The following CLVS1 variants were observed in gnomAD, a reference collection of about 807,000 sequenced individuals.
CLVS1 encodes clavesin 1, also known as clavesin-1.
CLVS1 carries 10 observed loss-of-function variants against 33.1 expected under a neutral mutation model. That is an observed-to-expected ratio of 0.30 (90% confidence interval 0.19 to 0.51). CLVS1 has a LOEUF of 0.51. Ranked by LOEUF, CLVS1 falls within the 20% of genes least tolerant of loss-of-function variation. The pLI, the probability that CLVS1 is intolerant of heterozygous loss-of-function variation, is 0.97. For synonymous variants in CLVS1, 163 were observed against 166.1 expected, an observed-to-expected ratio of 0.98 and a Z score of 0.14; for missense variants, 343 against 433.4, an observed-to-expected ratio of 0.79 and a Z score of 1.85.
Position 61,501,138 on chromosome 8 carries a change from A to ATAAC in CLVS1, c.*1597_*1600dup. On this transcript the variant is annotated 3_prime_UTR_variant, in exon 6 of 6. Transcript: ENST00000325897. ...GTAGACATACGAAATCACAAAAATA[A>ATAAC]TAACACTGAAATAATTCTACCAATG... 1 of 152,276 alleles carries ATAAC rather than the reference A, an allele frequency of 6.6e-6. No homozygotes were observed. Among genetic ancestry groups the ATAAC allele is most frequent in the South Asian group, 2.1e-4 (1 of 4,830 alleles). 9.4% of individuals were successfully genotyped at this position (152,276 alleles called of 1,614,324 possible).
chr8:61,406,622 G>T (rs561946752), intron 3 of CLVS1, among the ~76,000 whole-genome samples: 1,701 of 151,858 alleles, frequency 0.011, 38 homozygotes, highest in African/African-American at 0.038. Flanking sequence ...TTTTTGTGGG[G>T]GGGGGGATGG....
At chr8:61,153,588 C>T (rs1464283485) in intron 2 of CLVS1, among the ~76,000 whole-genome samples, 4 of 152,056 alleles carry the variant, frequency 2.6e-5, no homozygotes, top group East Asian at 1.9e-4. Flanking sequence ...TAAAGGGAAG[C>T]GGGAGAGCAG....
In CLVS1 at chr8:61,398,374, G is replaced by T. The variant is rs115008822; in HGVS notation, c.630+21595G>T. 9.9e-3 allele frequency among the ~76,000 whole-genome samples: 1,504 copies of T among 151,780 alleles called. 27 individuals are homozygous for T. Among genetic ancestry groups the T allele is most frequent in the African/African-American group, 0.034 (1,422 of 41,386 alleles). On this transcript the variant is annotated intron_variant, in intron 3 of 5. Transcript: ENST00000325897. ...TTTTTGTGTTTTTGGTAGAGACCGG[G>T]TTTCACCACATTGCTCAGGCTGGTC...
At chr8:61,270,352 A>C (rs1809409336) in intron 2 of CLVS1, among the ~76,000 whole-genome samples, 1 of 152,206 alleles carries the variant, frequency 6.6e-6, no homozygotes, top group Non-Finnish European at 1.5e-5. Context: ...CCTTGCATCC[A>C]AGGGATGAAG....
chr8:61,133,032 A>G (rs906892991), intron 2 of CLVS1, among the ~76,000 whole-genome samples: 1 of 152,138 alleles, frequency 6.6e-6, no homozygotes, highest in Non-Finnish European at 1.5e-5. Flanking sequence ...GAGCAATACT[A>G]TCTTCCAGCA....
chr8:61,089,006 G>A (rs1202904894), intron 1 of CLVS1, among the ~76,000 whole-genome samples: 1 of 152,002 alleles, frequency 6.6e-6, no homozygotes, highest in East Asian at 1.9e-4. Context: ...GTTTCACCAT[G>A]TTAGCCAGGA....
chr8:61,006,979 G>A, the CLVS1 span, among the ~76,000 whole-genome samples: 1 of 152,330 alleles, frequency 6.6e-6, no homozygotes, highest in African/African-American at 2.4e-5. Context: ...GCATTCTTCT[G>A]TTTCATGCTG....
intron 2 of CLVS1, among the ~76,000 whole-genome samples, chr8:61,341,227 G>GT (rs1453347814): frequency 6.6e-6 from 1 of 152,126 alleles, no homozygotes; most frequent in Non-Finnish European, 1.5e-5. Context: ...TCACATGTTG[G>GT]TAAGTCCGTC....
chr8:61,119,036 C>T (rs1805801997), intron 1 of CLVS1, among the ~76,000 whole-genome samples: 1 of 152,124 alleles, frequency 6.6e-6, no homozygotes, highest in Admixed American at 6.5e-5. Flanking sequence ...TCAGGACTTG[C>T]TTTATGAATT....
chr8:61,026,811 A>T, the CLVS1 span, among the ~76,000 whole-genome samples: 1 of 152,286 alleles, frequency 6.6e-6, no homozygotes, highest in East Asian at 1.9e-4. Context: ...CATGATTTGG[A>T]ACAGAGTTAA....
intron 1 of CLVS1, among the ~76,000 whole-genome samples, chr8:61,121,340 G>A (rs1480119268): frequency 2.6e-5 from 4 of 152,136 alleles, no homozygotes; most frequent in Non-Finnish European, 5.9e-5. Flanking sequence ...CTTCTGCGTC[G>A]CTCACGCTGG....
the CLVS1 span, among the ~76,000 whole-genome samples, chr8:60,976,894 T>G: frequency 6.6e-6 from 1 of 152,226 alleles, no homozygotes; most frequent in Admixed American, 6.5e-5. Flanking sequence ...ATCACTGCTT[T>G]TGATTGTGGA....
At chr8:61,044,517 C>T in the CLVS1 span, among the ~76,000 whole-genome samples, 1 of 152,138 alleles carries the variant, frequency 6.6e-6, no homozygotes, top group African/African-American at 2.4e-5. Flanking sequence ...GTGGCCCAGA[C>T]CTCCACATGA....
chr8:61,038,958 T>G, the CLVS1 span, among the ~76,000 whole-genome samples: 5 of 152,234 alleles, frequency 3.3e-5, no homozygotes, highest in Non-Finnish European at 5.9e-5. Context: ...ACCCACATTT[T>G]TTTTTATTAA....
At chr8:61,172,307 T>TC (rs1807018593) in intron 2 of CLVS1, among the ~76,000 whole-genome samples, 1 of 146,030 alleles carries the variant, frequency 6.8e-6, no homozygotes, top group Non-Finnish European at 1.5e-5. Context: ...AGACTTTATT[T>TC]GGGGGAAAGG....
intron 2 of CLVS1, among the ~76,000 whole-genome samples, chr8:61,367,403 T>A (rs1436954279): frequency 6.6e-6 from 1 of 152,238 alleles, no homozygotes; most frequent in East Asian, 1.9e-4. Flanking sequence ...ATTGTTTATG[T>A]GGCTCCTTCT....
intron 2 of CLVS1, among the ~76,000 whole-genome samples, chr8:61,333,090 T>C (rs1023852198): frequency 3.3e-5 from 5 of 152,258 alleles, no homozygotes; most frequent in African/African-American, 7.2e-5. Context: ...TTATCTTTAA[T>C]GCCATCAAAG....
chr8:61,372,018 T>G (rs1585875998), intron 2 of CLVS1, among the ~76,000 whole-genome samples: 1 of 152,228 alleles, frequency 6.6e-6, no homozygotes, highest in East Asian at 1.9e-4. Flanking sequence ...ACATTTGAAC[T>G]TATAATTAAT....
chr8:61,125,726 CT>C (rs1373692601), intron 1 of CLVS1, among the ~76,000 whole-genome samples: 3 of 152,170 alleles, frequency 2.0e-5, no homozygotes, highest in African/African-American at 7.2e-5. Context: ...CAAGTTCCCA[CT>C]TAGTACACAG....
Sources: gnomAD v4.1 joint callset for allele counts (sites outside exome capture counted in the v4.1 genomes callset) on GRCh38, gnomAD v4.1.1 for gene constraint, MANE v1.5 for transcripts, NCBI Gene and HGNC (gene_info 2026-07-23, HGNC 2026-07-21) for gene names.